The following FAM151B variants were observed in gnomAD, a reference collection of about 807,000 sequenced individuals.
The protein encoded by FAM151B is protein FAM151B.
A neutral mutation model predicts 31.2 loss-of-function variants in FAM151B; 24 were observed. The ratio of observed to expected loss-of-function variants is 0.77; its 90% confidence interval spans 0.56 to 1.08. FAM151B has a LOEUF of 1.08. Ranked by LOEUF, FAM151B falls within the 50% of genes least tolerant of loss-of-function variation. The pLI, the probability that FAM151B is intolerant of heterozygous loss-of-function variation, is 0.00. For missense variants in FAM151B, 293 were observed against 328.6 expected (o/e 0.89, Z 0.84); for synonymous variants, 105 against 111.4 (o/e 0.94, Z 0.36).
chr5:80,538,450 C>CTT (rs1491574931), intron 5 of FAM151B, among the ~76,000 whole-genome samples: 1 of 69,926 alleles, frequency 1.4e-5, no homozygotes, highest in Non-Finnish European at 2.9e-5. Flanking sequence ...CTTTCTTTCT[C>CTT]TTTCTTTCTT....
At chr5:80,540,075 A>G (rs1196393253) in intron 5 of FAM151B, among the ~76,000 whole-genome samples, 1 of 152,208 alleles carries the variant, frequency 6.6e-6, no homozygotes, top group Non-Finnish European at 1.5e-5. Flanking sequence ...CAGCGTTGAT[A>G]CAACACTACC....
chr5:80,515,986 T>C (rs1215317318), intron 3 of FAM151B, among the ~76,000 whole-genome samples: 3 of 152,230 alleles, frequency 2.0e-5, no homozygotes, highest in Non-Finnish European at 4.4e-5. Flanking sequence ...TTAGTAGTTC[T>C]TGTTTTGTGC....
chr5:80,489,810 A>G (rs1184747986), intron 1 of FAM151B, among the ~76,000 whole-genome samples: 1 of 151,968 alleles, frequency 6.6e-6, no homozygotes, highest in Non-Finnish European at 1.5e-5. Flanking sequence ...TGTAGTCTCA[A>G]CTACTAAGGA....
intron 1 of FAM151B, among the ~76,000 whole-genome samples, chr5:80,497,161 C>T (rs562326415): frequency 1.3e-5 from 2 of 152,022 alleles, no homozygotes; most frequent in East Asian, 3.9e-4. Flanking sequence ...CACGGTGGCT[C>T]ACGCCTATAA....
At chr5:80,513,504 C>T in intron 2 of FAM151B, 100 bp from the exon 3 acceptor site, 5 of 1,202,990 alleles carry the variant, frequency 4.2e-6, no homozygotes, top group Non-Finnish European at 5.7e-6. Context: ...CTTTTCTTTC[C>T]TTTTTTTTTA....
chr5:80,505,749 ATTTTTTTT>A (rs386404255), intron 2 of FAM151B, among the ~76,000 whole-genome samples: 13 of 77,882 alleles, frequency 1.7e-4, no homozygotes, highest in Non-Finnish European at 2.7e-4. Flanking sequence ...TCCTATAAGA[ATTTTTTTT>A]TTTTTTTTTT....
chr5:80,506,286 G>A (rs1480662143), intron 2 of FAM151B, among the ~76,000 whole-genome samples: 3 of 152,108 alleles, frequency 2.0e-5, no homozygotes, highest in Admixed American at 6.6e-5. Context: ...TGAAGTATGT[G>A]AACATGAAAA....
chr5:80,504,676 T>C lies in FAM151B; in HGVS notation c.151+2759T>C, dbSNP rs533718791. 7.0e-3 allele frequency among the ~76,000 whole-genome samples: 1,059 copies of C among 151,894 alleles called. 12 individuals carry two copies. Among genetic ancestry groups the C allele is most frequent in the African/African-American group, 0.024 (1,009 of 41,438 alleles). On this transcript the variant is annotated intron_variant, in intron 2 of 5. Transcript: ENST00000282226. ...CTGGGACTATGGGCATGTGCCACCA[T>C]GCCCAGCTAATTTTTGTATTTTTAG...
chr5:80,525,577 A>C (rs1373956427), intron 5 of FAM151B, among the ~76,000 whole-genome samples: 1 of 152,136 alleles, frequency 6.6e-6, no homozygotes, highest in Admixed American at 6.5e-5. Flanking sequence ...AGGTCTCAGG[A>C]GGGTGGAGGA....
chr5:80,497,653 A>G (rs1389309248), intron 1 of FAM151B, among the ~76,000 whole-genome samples: 1 of 152,064 alleles, frequency 6.6e-6, no homozygotes, highest in Non-Finnish European at 1.5e-5. Context: ...AAAACTTCTT[A>G]CTTTAAATTT....
At chr5:80,535,289 G>A (rs751023984) in intron 5 of FAM151B, among the ~76,000 whole-genome samples, 4 of 152,082 alleles carry the variant, frequency 2.6e-5, no homozygotes, top group South Asian at 2.1e-4. Context: ...CAGAATAGCC[G>A]AAGTTGTCCT....
intron 2 of FAM151B, among the ~76,000 whole-genome samples, chr5:80,506,650 G>A (rs2112615140): frequency 6.6e-6 from 1 of 152,182 alleles, no homozygotes; most frequent in South Asian, 2.1e-4. Flanking sequence ...CATAAATCAA[G>A]CCTCTTTATT....
Position 80,541,885 on chromosome 5 carries a change from A to T in FAM151B, c.*53A>T. 3 of 1,517,020 alleles carry T rather than the reference A, an allele frequency of 2.0e-6. No homozygotes were observed. The highest frequency in any genetic ancestry group is 2.7e-6 in the Non-Finnish European group (3 of 1,119,404). 94.0% of individuals were successfully genotyped at this position (1,517,020 alleles called of 1,614,324 possible). On this transcript the variant is annotated 3_prime_UTR_variant, in exon 6 of 6. Transcript: ENST00000282226. ...TTTTGGTTTCATAATCCTTCTCTCC[A>T]TTGGTCTGAATTAATTACCATATAA...
At chr5:80,528,318 C>T (rs1247012693) in intron 5 of FAM151B, among the ~76,000 whole-genome samples, 1 of 151,620 alleles carries the variant, frequency 6.6e-6, no homozygotes, top group Admixed American at 6.6e-5. Context: ...GGCAAGACCA[C>T]AAAATAACCA....
At chr5:80,538,850 G>A (rs980422654) in intron 5 of FAM151B, among the ~76,000 whole-genome samples, 3 of 151,836 alleles carry the variant, frequency 2.0e-5, no homozygotes, top group East Asian at 1.9e-4. Flanking sequence ...CCACCGCCTC[G>A]GCCTCCCAAA....
At chr5:80,541,535 A>C in intron 5 of FAM151B, 138 bp from the exon 6 acceptor site, 1 of 748,722 alleles carries the variant, frequency 1.3e-6, no homozygotes, top group Non-Finnish European at 2.2e-6. Context: ...ATGAAAGTAC[A>C]GTTACACCAT....
At chr5:80,501,357 C>A in intron 1 of FAM151B, 1 of 1,262,222 alleles carries the variant, frequency 7.9e-7, no homozygotes, top group Non-Finnish European at 1.1e-6. Context: ...GAGATGCTGG[C>A]AACAGGGAGG....
intron 3 of FAM151B, among the ~76,000 whole-genome samples, chr5:80,518,500 G>A (rs1434421948): frequency 1.3e-5 from 2 of 152,162 alleles, no homozygotes; most frequent in African/African-American, 2.4e-5. Context: ...GCAAGGCAGG[G>A]AGAATTTAAA....
At chr5:80,520,576 C>T (rs898891912) in intron 4 of FAM151B, among the ~76,000 whole-genome samples, 1 of 147,728 alleles carries the variant, frequency 6.8e-6, no homozygotes, top group African/African-American at 2.5e-5. Context: ...ACCCAGGAGG[C>T]GTAGGTTGCA....
Sources: allele counts gnomAD v4.1 joint callset (sites outside exome capture counted in the v4.1 genomes callset), GRCh38; gene constraint gnomAD v4.1.1; transcripts MANE v1.5; gene names NCBI Gene and HGNC (gene_info 2026-07-23, HGNC 2026-07-21).